Variants in ADAMTS12 observed in about 807,000 individuals in gnomAD.
The protein encoded by ADAMTS12 is ADAM metallopeptidase with thrombospondin type 1 motif 12.
ADAMTS12 carries 118 observed loss-of-function variants against 167.8 expected under a neutral mutation model. That is an observed-to-expected ratio of 0.70 (90% confidence interval 0.61 to 0.82). ADAMTS12 has a LOEUF of 0.82. Among genes scored for constraint, ADAMTS12 ranks in the 40% least tolerant of loss-of-function variants. The pLI, the probability that ADAMTS12 is intolerant of heterozygous loss-of-function variation, is 0.00. For missense variants in ADAMTS12, 1,916 were observed against 1,998.8 expected (o/e 0.96, Z 0.79); for synonymous variants, 704 against 716.9 (o/e 0.98, Z 0.29).
intron 1 of ADAMTS12, among the ~76,000 whole-genome samples, chr5:33,890,463 G>T (rs1209539563): frequency 6.6e-6 from 1 of 152,164 alleles, no homozygotes. Flanking sequence ...CTTCTGATAC[G>T]TCTTGAAGCC....
intron 20 of ADAMTS12, among the ~76,000 whole-genome samples, chr5:33,553,829 A>G (rs892544075): frequency 1.3e-5 from 2 of 152,186 alleles, no homozygotes; most frequent in Non-Finnish European, 2.9e-5. Context: ...AAGTTTACCT[A>G]TGTAGCAAAC....
At chr5:33,668,119 C>T (rs888940099) in intron 5 of ADAMTS12, among the ~76,000 whole-genome samples, 3 of 152,040 alleles carry the variant, frequency 2.0e-5, no homozygotes, top group African/African-American at 4.8e-5. Flanking sequence ...TATCATAAGT[C>T]GAAAATGCAA....
chr5:33,849,030 A>AAT (rs1170565694), intron 2 of ADAMTS12, among the ~76,000 whole-genome samples: 1 of 144,906 alleles, frequency 6.9e-6, no homozygotes, highest in East Asian at 2.0e-4. Context: ...ATTGCATAGC[A>AAT]ATATATATAT....
chr5:33,535,131 A>G (rs941812980), intron 22 of ADAMTS12, 139 bp from the exon 23 acceptor site: 19 of 801,278 alleles, frequency 2.4e-5, no homozygotes, highest in Non-Finnish European at 3.4e-5. Flanking sequence ...GAGTCATAGA[A>G]TAAAGGCACT....
At chr5:33,657,312 C>T (rs924033996) in intron 7 of ADAMTS12, among the ~76,000 whole-genome samples, 9 of 152,258 alleles carry the variant, frequency 5.9e-5, no homozygotes, top group Non-Finnish European at 1.3e-4. Context: ...GAATATTCCC[C>T]AGCATTTTTC....
At chr5:33,586,007 C>T (rs1747328739) in intron 18 of ADAMTS12, among the ~76,000 whole-genome samples, 1 of 152,106 alleles carries the variant, frequency 6.6e-6, no homozygotes, top group African/African-American at 2.4e-5. Context: ...TTACAGGAGT[C>T]TAGAAGGCTG....
intron 3 of ADAMTS12, among the ~76,000 whole-genome samples, chr5:33,732,479 A>C (rs1744228951): frequency 6.6e-6 from 1 of 152,240 alleles, no homozygotes. Flanking sequence ...AATCCTATTA[A>C]AAATGATCAA....
At chr5:33,624,102 C>T in intron 14 of ADAMTS12, 129 bp downstream of exon 14, 2 of 1,408,138 alleles carry the variant, frequency 1.4e-6, no homozygotes, top group African/African-American at 1.4e-5. Context: ...AGGCTATATT[C>T]CATTTTGAAT....
chr5:33,547,080 C>T (rs1745020619), intron 21 of ADAMTS12, among the ~76,000 whole-genome samples: 1 of 152,146 alleles, frequency 6.6e-6, no homozygotes, highest in Non-Finnish European at 1.5e-5. Context: ...GAATCAACAT[C>T]AACTTTTTTC....
At chr5:33,614,171 G>A (rs1738868415) in intron 16 of ADAMTS12, 67 bp downstream of exon 16, 3 of 1,567,310 alleles carry the variant, frequency 1.9e-6, no homozygotes, top group South Asian at 1.2e-5. Flanking sequence ...CAAATCACTG[G>A]TGTAATCACC....
chr5:33,677,017 T>C (rs1741938473), intron 5 of ADAMTS12, among the ~76,000 whole-genome samples: 2 of 152,164 alleles, frequency 1.3e-5, no homozygotes, highest in Non-Finnish European at 2.9e-5. Context: ...CTGGATGGCA[T>C]AGTCACCTAG....
At chr5:33,648,774 T>G (rs750189417) in intron 9 of ADAMTS12, 48 bp downstream of exon 9, 2 of 1,608,062 alleles carry the variant, frequency 1.2e-6, no homozygotes. Context: ...TCCTTCAGCA[T>G]GCTGGAGATC....
intron 9 of ADAMTS12, among the ~76,000 whole-genome samples, chr5:33,647,850 T>C (rs1227578957): frequency 1.3e-5 from 2 of 152,250 alleles, no homozygotes; most frequent in Non-Finnish European, 2.9e-5. Context: ...TAAGTTTGCT[T>C]GTTCTGTCTA....
intron 9 of ADAMTS12, among the ~76,000 whole-genome samples, chr5:33,648,182 C>G (rs1293575130): frequency 1.3e-5 from 2 of 152,186 alleles, no homozygotes; most frequent in African/African-American, 4.8e-5. Context: ...ATCCTGTGGT[C>G]AGCGGGGACC....
intron 18 of ADAMTS12, among the ~76,000 whole-genome samples, chr5:33,582,269 G>C (rs1398114832): frequency 1.3e-5 from 2 of 152,204 alleles, no homozygotes; most frequent in Non-Finnish European, 2.9e-5. Context: ...CCCTGGCAGA[G>C]CACAGGCTAC....
At position 33,611,694 on chromosome 5, in the gene ADAMTS12, A is replaced by G. The variant is rs557734305; in HGVS notation, c.2527+2544T>C. Reference sequence around the variant, plus strand: ...GTCCCTAAATGCTCATCAGAAGAACAGCAATAAGGAATTGGTTAAGGAAAT... The same window carrying G: ...GTCCCTAAATGCTCATCAGAAGAACGGCAATAAGGAATTGGTTAAGGAAAT... On this transcript the variant is annotated intron_variant, in intron 16 of 23. Transcript: ENST00000504830. 1.1e-3 allele frequency among the ~76,000 whole-genome samples: 168 copies of G among 152,336 alleles called. 1 individual carries two copies. Among genetic ancestry groups the G allele is most frequent in the African/African-American group, 3.9e-3 (161 of 41,574 alleles).
chr5:33,763,314 T>G (rs1244536011), intron 2 of ADAMTS12, among the ~76,000 whole-genome samples: 1 of 152,042 alleles, frequency 6.6e-6, no homozygotes, highest in African/African-American at 2.4e-5. Context: ...GGCAAGAGGA[T>G]CTGCACAAGT....
intron 23 of ADAMTS12, among the ~76,000 whole-genome samples, chr5:33,529,959 T>C (rs907216599): frequency 7.2e-5 from 11 of 152,128 alleles, no homozygotes; most frequent in African/African-American, 2.4e-4. Context: ...TCCCTCTGTC[T>C]CCCAGGCTGG....
At chr5:33,644,393 A>G (rs1170713601) in intron 9 of ADAMTS12, among the ~76,000 whole-genome samples, 1 of 152,144 alleles carries the variant, frequency 6.6e-6, no homozygotes, top group East Asian at 1.9e-4. Context: ...AAGGGAAGTA[A>G]TTTTCTCAGC....
Sources: allele counts gnomAD v4.1 joint callset (sites outside exome capture counted in the v4.1 genomes callset), GRCh38; gene constraint gnomAD v4.1.1; transcripts MANE v1.5; gene names NCBI Gene and HGNC (gene_info 2026-07-23, HGNC 2026-07-21).